Variants in ARHGAP44 observed in about 807,000 individuals in gnomAD.
ARHGAP44 encodes rho GTPase-activating protein 44.
A neutral mutation model predicts 106.8 loss-of-function variants in ARHGAP44; 43 were observed. That is an observed-to-expected ratio of 0.40 (90% CI 0.32 to 0.52). The LOEUF (loss-of-function observed/expected upper bound fraction) is 0.52. ARHGAP44 is among the 20% of genes least tolerant of loss of function. The pLI, the probability that ARHGAP44 is intolerant of heterozygous loss-of-function variation, is 0.48. For synonymous variants in ARHGAP44, 439 were observed against 410.3 expected (o/e 1.07, Z -0.85); for missense variants, 866 against 1,050.5 (o/e 0.82, Z 2.43).
At chr17:12,945,536 A>C (rs144045795) in intron 10 of ARHGAP44, among the ~76,000 whole-genome samples, 154 of 152,276 alleles carry the variant, frequency 1.0e-3, no homozygotes, top group African/African-American at 3.6e-3. Flanking sequence ...AGATGAATCT[A>C]GCATCTCTCA....
At chr17:12,981,339 A>C (rs939548377) in intron 19 of ARHGAP44, among the ~76,000 whole-genome samples, 1 of 152,042 alleles carries the variant, frequency 6.6e-6, no homozygotes, top group Admixed American at 6.6e-5. Flanking sequence ...TCAGCATCTC[A>C]GAGCATTTCT....
chr17:12,838,671 T>C (rs1009670381), intron 1 of ARHGAP44, among the ~76,000 whole-genome samples: 4 of 152,060 alleles, frequency 2.6e-5, no homozygotes, highest in African/African-American at 7.2e-5. Flanking sequence ...CCATCTCCAA[T>C]TTTGTTTATT....
intron 16 of ARHGAP44, among the ~76,000 whole-genome samples, chr17:12,961,335 ATTC>A (rs2039255873): frequency 1.3e-5 from 2 of 152,244 alleles, no homozygotes; most frequent in Non-Finnish European, 2.9e-5. Flanking sequence ...TCTGTATACT[ATTC>A]TTATTTGAAG....
At chr17:12,940,389 C>T (rs574398702) in intron 7 of ARHGAP44, among the ~76,000 whole-genome samples, 1 of 152,332 alleles carries the variant, frequency 6.6e-6, no homozygotes, top group South Asian at 2.1e-4. Flanking sequence ...AAGCTGTTCT[C>T]CTTGGAGGAC....
intron 1 of ARHGAP44, among the ~76,000 whole-genome samples, chr17:12,818,876 C>G (rs77922047): frequency 0.042 from 6,420 of 152,110 alleles, 155 homozygotes; most frequent in East Asian, 0.059. Flanking sequence ...TCGTGCAATT[C>G]CCATCAGAAT....
At chr17:12,851,584 G>A (rs773715312) in intron 1 of ARHGAP44, among the ~76,000 whole-genome samples, 14 of 152,042 alleles carry the variant, frequency 9.2e-5, no homozygotes, top group Non-Finnish European at 1.5e-4. Context: ...ACAGGCATGC[G>A]CCACCACGCC....
intron 13 of ARHGAP44, among the ~76,000 whole-genome samples, chr17:12,954,062 G>GTT (rs79278587): frequency 0.01 from 1,443 of 139,780 alleles, 17 homozygotes; most frequent in Middle Eastern, 0.042. Flanking sequence ...TAATTTTTGT[G>GTT]TTTTTTTTTT....
At chr17:12,908,191 C>CTTTTT (rs1228178926) in intron 3 of ARHGAP44, among the ~76,000 whole-genome samples, 325 of 95,330 alleles carry the variant, frequency 3.4e-3, no homozygotes, top group East Asian at 4.8e-3. Context: ...TGCCTCATTT[C>CTTTTT]TTTTTTTTTT....
chr17:12,835,125 T>C (rs2035198223), intron 1 of ARHGAP44, among the ~76,000 whole-genome samples: 1 of 152,208 alleles, frequency 6.6e-6, no homozygotes, highest in Non-Finnish European at 1.5e-5. Context: ...AGAAACCCTT[T>C]TGGCTGCAGG....
At chr17:12,829,689 C>CT (rs752307782) in intron 1 of ARHGAP44, among the ~76,000 whole-genome samples, 3 of 152,234 alleles carry the variant, frequency 2.0e-5, no homozygotes, top group East Asian at 3.9e-4. Context: ...TTTCACTACT[C>CT]TTTTCTTCTT....
At chr17:12,794,367 C>G (rs1318016033) in intron 1 of ARHGAP44, among the ~76,000 whole-genome samples, 3 of 152,100 alleles carry the variant, frequency 2.0e-5, no homozygotes, top group East Asian at 1.9e-4. Flanking sequence ...TTGGAGGGAG[C>G]CTGGTCCACT....
chr17:12,959,629 A>G (rs1301682169), intron 16 of ARHGAP44, among the ~76,000 whole-genome samples: 1 of 152,236 alleles, frequency 6.6e-6, no homozygotes, highest in African/African-American at 2.4e-5. Flanking sequence ...CATGGCAACC[A>G]GAGGACGTGG....
chr17:12,812,911 A>G (rs2034480415), intron 1 of ARHGAP44, among the ~76,000 whole-genome samples: 2 of 152,182 alleles, frequency 1.3e-5, no homozygotes, highest in African/African-American at 2.4e-5. Flanking sequence ...TCACAGTCAT[A>G]TGGTGTTCTA....
chr17:12,809,185 C>A (rs952907997), intron 1 of ARHGAP44, among the ~76,000 whole-genome samples: 5 of 152,196 alleles, frequency 3.3e-5, no homozygotes, highest in African/African-American at 1.2e-4. Context: ...TAGGAAGTTC[C>A]AAACTTTCCC....
intron 7 of ARHGAP44, among the ~76,000 whole-genome samples, chr17:12,937,876 G>A (rs1163941813): frequency 2.0e-5 from 3 of 152,064 alleles, no homozygotes; most frequent in African/African-American, 4.8e-5. Context: ...CGAGGTGGGC[G>A]GATTGCCTGA....
At chr17:12,811,651 G>A (rs1473877636) in intron 1 of ARHGAP44, among the ~76,000 whole-genome samples, 1 of 152,124 alleles carries the variant, frequency 6.6e-6, no homozygotes, top group Non-Finnish European at 1.5e-5. Context: ...TCCTTGTTGG[G>A]TCTGTATTAA....
intron 1 of ARHGAP44, among the ~76,000 whole-genome samples, chr17:12,842,032 C>T (rs557958955): frequency 3.3e-5 from 5 of 151,866 alleles, no homozygotes; most frequent in Non-Finnish European, 7.4e-5. Flanking sequence ...AAGGAGAATA[C>T]AGACAGCAGT....
chr17:12,808,706 G>A (rs1436288714), intron 1 of ARHGAP44, among the ~76,000 whole-genome samples: 1 of 152,172 alleles, frequency 6.6e-6, no homozygotes. Context: ...CTGTCATGAA[G>A]ACCTCTGATA....
intron 1 of ARHGAP44, among the ~76,000 whole-genome samples, chr17:12,842,414 C>CAAAAAAAAAAAA (rs558245390): frequency 1.8e-5 from 1 of 56,368 alleles, no homozygotes; most frequent in Non-Finnish European, 4.2e-5. Flanking sequence ...GAGACCATCT[C>CAAAAAAAAAAAA]AAAAAAAAAA....
Sources: gnomAD v4.1 joint callset for allele counts (sites outside exome capture counted in the v4.1 genomes callset) on GRCh38, gnomAD v4.1.1 for gene constraint, MANE v1.5 for transcripts, NCBI Gene and HGNC (gene_info 2026-07-23, HGNC 2026-07-21) for gene names.